Variants in FAM83B observed in about 807,000 individuals in gnomAD.
The protein encoded by FAM83B is protein FAM83B.
A neutral mutation model predicts 38.8 loss-of-function variants in FAM83B; 26 were observed. That is an observed-to-expected ratio of 0.67 (90% CI 0.49 to 0.93). The LOEUF is 0.93. Ranked by LOEUF, FAM83B falls within the 40% of genes least tolerant of loss-of-function variation. The pLI is 0.00. For missense variants in FAM83B, 1,237 were observed against 1,197.3 expected (o/e 1.03, Z -0.49); for synonymous variants, 419 against 423.1 (o/e 0.99, Z 0.12).
intron 4 of FAM83B, among the ~76,000 whole-genome samples, chr6:54,934,941 G>C (rs1189142574): frequency 6.6e-6 from 1 of 152,078 alleles, no homozygotes; most frequent in Non-Finnish European, 1.5e-5. Context: ...CTATAAGTCA[G>C]CCACCACTTC....
At chr6:54,846,934 C>T (rs374105041) in intron 1 of FAM83B, 108 bp downstream of exon 1, 3 of 152,288 alleles carry the variant, frequency 2.0e-5, no homozygotes, top group African/African-American at 7.3e-5. Context: ...TTCACCCGCC[C>T]CTGGCCGGCG....
At position 54,940,730 on chromosome 6, in the gene FAM83B, G is replaced by C. The variant is rs1036847970; in HGVS notation, c.1759G>C (p.Val587Leu). The C allele has an allele frequency of 6.2e-7, 1 of 1,614,020 alleles. No individual in the cohort carries two copies. Among genetic ancestry groups the C allele is most frequent in the African/African-American group, 1.3e-5 (1 of 75,016 alleles). The change falls in exon 5 of 5, where the codon GTA becomes CTA. Residue 587 changes from valine to leucine, a missense_variant. Coordinates refer to ENST00000306858, the MANE Select transcript of FAM83B (RefSeq NM_001010872.3). ...PKEVPDTPTN[V>L]QHLTDKPLPE... ...AGAGGTCCCAGACACCCCTACGAATGTACAGCATTTGACAGACAAACCCTT... is the reference window on the plus strand; with the variant it reads ...AGAGGTCCCAGACACCCCTACGAATCTACAGCATTTGACAGACAAACCCTT...
chr6:54,882,123 A>G (rs1581897896), intron 2 of FAM83B, among the ~76,000 whole-genome samples: 1 of 152,228 alleles, frequency 6.6e-6, no homozygotes, highest in South Asian at 2.1e-4. Flanking sequence ...ATAGTATTCC[A>G]TGGTGTATAT....
intron 2 of FAM83B, among the ~76,000 whole-genome samples, chr6:54,884,554 A>G (rs919021357): frequency 6.6e-6 from 1 of 151,456 alleles, no homozygotes; most frequent in African/African-American, 2.4e-5. Flanking sequence ...TGACCTCTAG[A>G]TGTTTTATTT....
intron 2 of FAM83B, among the ~76,000 whole-genome samples, chr6:54,923,940 C>T (rs191431771): frequency 5.5e-4 from 84 of 151,464 alleles, no homozygotes; most frequent in African/African-American, 1.8e-3. Flanking sequence ...CAGAAATTCT[C>T]CCCTTCTCCA....
intron 2 of FAM83B, among the ~76,000 whole-genome samples, chr6:54,871,353 A>G (rs753866534): frequency 6.6e-5 from 10 of 151,888 alleles, no homozygotes; most frequent in Non-Finnish European, 1.3e-4. Flanking sequence ...AGAGTTTTGT[A>G]TCTACTCAGC....
intron 2 of FAM83B, among the ~76,000 whole-genome samples, chr6:54,894,202 C>T (rs1772466193): frequency 6.6e-6 from 1 of 152,208 alleles, no homozygotes; most frequent in South Asian, 2.1e-4. Flanking sequence ...TAACCATTGG[C>T]CTTCAGGGAT....
chr6:54,926,525 A>T lies in FAM83B; in HGVS notation c.599A>T (p.Gln200Leu), dbSNP rs1274922132. ...ACTGAGAAACAAGGTTGTTCAGTTC[A>T]GCGTCTCAGGGTAAGAATTCTGTTT... ...NMTEKQGCSV[Q>L]RLRNIRVRTV... The change falls in exon 3 of 5, where the codon CAG (glutamine) becomes CTG (leucine). Residue 200 changes from glutamine to leucine, a missense_variant. Gln to Leu is a moderately radical substitution (Grantham distance 113, BLOSUM62 -2). Transcript: ENST00000306858. 1 of 1,578,000 alleles carries T rather than the reference A, an allele frequency of 6.3e-7. No homozygotes were observed. The highest frequency in any genetic ancestry group is 2.2e-5 in the East Asian group (1 of 44,496).
At chr6:54,882,868 T>C (rs1772164473) in intron 2 of FAM83B, among the ~76,000 whole-genome samples, 1 of 152,224 alleles carries the variant, frequency 6.6e-6, no homozygotes. Flanking sequence ...TATACTTGTT[T>C]GGGAAAGCTT....
At chr6:54,860,947 C>G (rs1045555366) in intron 1 of FAM83B, among the ~76,000 whole-genome samples, 1 of 152,208 alleles carries the variant, frequency 6.6e-6, no homozygotes, top group African/African-American at 2.4e-5. Context: ...ATCCCTGACC[C>G]TCTCCAGGAC....
intron 2 of FAM83B, among the ~76,000 whole-genome samples, chr6:54,921,444 A>G (rs1197028973): frequency 6.6e-6 from 1 of 151,942 alleles, no homozygotes; most frequent in Non-Finnish European, 1.5e-5. Flanking sequence ...AGGTTCTCGG[A>G]GACCGTTAAT....
intron 1 of FAM83B, among the ~76,000 whole-genome samples, chr6:54,861,122 CT>C (rs1179466287): frequency 1.3e-5 from 2 of 152,290 alleles, no homozygotes; most frequent in African/African-American, 4.8e-5. Context: ...CTAGTTTATA[CT>C]TTAGTCAACT....
intron 2 of FAM83B, among the ~76,000 whole-genome samples, chr6:54,892,711 A>G (rs1021643894): frequency 6.7e-6 from 1 of 149,198 alleles, no homozygotes; most frequent in Non-Finnish European, 1.5e-5. Context: ...TATTGTATAT[A>G]TTGTATATAT....
chr6:54,937,271 A>G (rs1008742816), intron 4 of FAM83B, among the ~76,000 whole-genome samples: 2 of 152,054 alleles, frequency 1.3e-5, no homozygotes, highest in African/African-American at 2.4e-5. Flanking sequence ...TCAGATTTAA[A>G]ATTTGATATG....
chr6:54,875,208 G>A (rs1771961883), intron 2 of FAM83B, among the ~76,000 whole-genome samples: 3 of 152,136 alleles, frequency 2.0e-5, no homozygotes, highest in South Asian at 4.1e-4. Context: ...ACCAACTTAA[G>A]ATTATTTTGA....
chr6:54,874,183 C>G (rs1040394378), intron 2 of FAM83B, among the ~76,000 whole-genome samples: 1 of 151,860 alleles, frequency 6.6e-6, no homozygotes, highest in Non-Finnish European at 1.5e-5. Context: ...TATAGTATTT[C>G]AAAAATCTAT....
intron 2 of FAM83B, among the ~76,000 whole-genome samples, chr6:54,921,947 G>T (rs1773182548): frequency 6.6e-6 from 1 of 152,004 alleles, no homozygotes; most frequent in African/African-American, 2.4e-5. Flanking sequence ...AGTTACTGTA[G>T]ATTTCATGTA....
chr6:54,907,399 T>C (rs1675297843), intron 2 of FAM83B, among the ~76,000 whole-genome samples: 1 of 79,362 alleles, frequency 1.3e-5, no homozygotes, highest in Non-Finnish European at 2.1e-5. Context: ...TAAAAAAAGT[T>C]AAAAAAAATT....
intron 4 of FAM83B, among the ~76,000 whole-genome samples, chr6:54,938,424 T>C (rs780566806): frequency 6.6e-6 from 1 of 152,198 alleles, no homozygotes; most frequent in Non-Finnish European, 1.5e-5. Context: ...CTACTTTTAG[T>C]TCTTCAAGGA....
Sources: gnomAD v4.1 joint callset for allele counts (sites outside exome capture counted in the v4.1 genomes callset) on GRCh38, gnomAD v4.1.1 for gene constraint, MANE v1.5 for transcripts, NCBI Gene and HGNC (gene_info 2026-07-23, HGNC 2026-07-21) for gene names.